DPH5: variants seen among roughly 807,000 people sequenced by gnomAD.
DPH5 encodes the protein diphthine methyl ester synthase.
Under a neutral mutation model 31.6 loss-of-function variants are expected in DPH5, and 31 were observed. The observed-to-expected ratio is 0.98, with a 90% confidence interval of 0.74 to 1.32. DPH5 has a LOEUF of 1.32. Ranked by LOEUF, DPH5 falls within the 40% of genes most tolerant of loss-of-function variation. The pLI is 0.00. For missense variants in DPH5, 309 were observed against 335.7 expected (o/e 0.92, Z 0.62); for synonymous variants, 120 against 115.0 (o/e 1.04, Z -0.28).
intron 5 of DPH5, 111 bp downstream of exon 5, chr1:101,001,356 T>G (rs771817199): frequency 2.8e-6 from 3 of 1,074,162 alleles, no homozygotes; most frequent in Non-Finnish European, 4.0e-6. Flanking sequence ...ATGGCTAGAC[T>G]GTGTCTTTTC....
At chr1:100,990,984 T>A (rs1204016803) in intron 7 of DPH5, among the ~76,000 whole-genome samples, 1 of 152,184 alleles carries the variant, frequency 6.6e-6, no homozygotes. Flanking sequence ...ATAACTTGCT[T>A]GAGATAATGT....
chr1:101,017,347 T>G (rs1049517863), intron 3 of DPH5, among the ~76,000 whole-genome samples: 1 of 151,682 alleles, frequency 6.6e-6, no homozygotes, highest in African/African-American at 2.4e-5. Flanking sequence ...AGCAGTCATT[T>G]TAACTGTTTT....
intron 3 of DPH5, among the ~76,000 whole-genome samples, chr1:101,016,535 C>T (rs1289427282): frequency 6.6e-6 from 1 of 151,028 alleles, no homozygotes; most frequent in African/African-American, 2.4e-5. Context: ...ACCTCCACCT[C>T]CTGGGTTCAA....
intron 2 of DPH5, chr1:101,023,099 A>AG (rs1201590616): frequency 6.6e-6 from 1 of 152,248 alleles, no homozygotes; most frequent in Admixed American, 6.5e-5. Flanking sequence ...AGGCTGTGAC[A>AG]GAAGAATTGC....
intron 4 of DPH5, among the ~76,000 whole-genome samples, chr1:101,010,005 G>A (rs1013403981): frequency 9.2e-5 from 14 of 152,116 alleles, no homozygotes; most frequent in Non-Finnish European, 1.8e-4. Context: ...CCCGACCTCA[G>A]TAGTGACTTA....
At chr1:101,009,283 A>C (rs1659464856) in intron 4 of DPH5, among the ~76,000 whole-genome samples, 1 of 152,208 alleles carries the variant, frequency 6.6e-6, no homozygotes. Flanking sequence ...GACAGGAGGC[A>C]ACTGCTCTAG....
chr1:101,003,089 T>C (rs552652747), intron 4 of DPH5, among the ~76,000 whole-genome samples: 44 of 152,318 alleles, frequency 2.9e-4, no homozygotes, highest in African/African-American at 1.0e-3. Flanking sequence ...AAACATATTA[T>C]CTCATAGAAG....
chr1:101,009,519 T>C (rs565088227), intron 4 of DPH5, among the ~76,000 whole-genome samples: 1 of 152,316 alleles, frequency 6.6e-6, no homozygotes, highest in East Asian at 1.9e-4. Context: ...ATTCTCTTAA[T>C]AGAAAATGCT....
intron 3 of DPH5, among the ~76,000 whole-genome samples, chr1:101,015,699 G>GT (rs2101264423): frequency 6.6e-6 from 1 of 152,322 alleles, no homozygotes; most frequent in Non-Finnish European, 1.5e-5. Context: ...ATAGAAGGCT[G>GT]TTTCATCCAC....
chr1:101,006,987 T>C (rs1468160083), intron 4 of DPH5, among the ~76,000 whole-genome samples: 1 of 151,348 alleles, frequency 6.6e-6, no homozygotes, highest in Non-Finnish European at 1.5e-5. Flanking sequence ...GTCTCATTTA[T>C]CTGCCTTTTA....
intron 2 of DPH5, 177 bp downstream of exon 2, chr1:101,025,132 A>C (rs1660732622): frequency 2.7e-6 from 2 of 733,298 alleles, no homozygotes; most frequent in East Asian, 5.9e-5. Context: ...TTCATTTTCC[A>C]AGTCACTTGG....
intron 7 of DPH5, among the ~76,000 whole-genome samples, chr1:100,992,423 T>C (rs896187098): frequency 3.3e-5 from 5 of 152,222 alleles, no homozygotes; most frequent in African/African-American, 1.2e-4. Context: ...GGAATGGTGT[T>C]AATTATACTA....
At chr1:100,999,960 T>G (rs1039271356) in intron 5 of DPH5, among the ~76,000 whole-genome samples, 1 of 151,908 alleles carries the variant, frequency 6.6e-6, no homozygotes, top group African/African-American at 2.4e-5. Flanking sequence ...CTGGCTAACA[T>G]GGTGAAACCC....
intron 5 of DPH5, chr1:100,995,832 C>T (rs1658300380): frequency 6.6e-6 from 1 of 152,188 alleles, no homozygotes; most frequent in Non-Finnish European, 1.5e-5. Flanking sequence ...CACTCTACAT[C>T]CTCAAAGGAA....
Position 100,990,374 on chromosome 1 carries a change from G to T in DPH5, c.*34C>A. ...AAACCATATCAATCCATATATGGCT[G>T]AAATTTACATCAGACAATGGTAAAT... is the stretch of plus-strand genomic sequence containing the variant. On this transcript the variant is annotated 3_prime_UTR_variant, in exon 8 of 8. Transcript: ENST00000370109. 1 of 1,601,734 alleles carries T rather than the reference G, an allele frequency of 6.2e-7. No homozygotes were observed. The highest frequency in any genetic ancestry group is 1.1e-5 in the South Asian group (1 of 90,742).
chr1:101,004,159 T>C (rs1314109494), intron 4 of DPH5, among the ~76,000 whole-genome samples: 4 of 152,226 alleles, frequency 2.6e-5, no homozygotes, highest in Non-Finnish European at 4.4e-5. Flanking sequence ...TCCAGGACCC[T>C]GATTTATAAA....
At chr1:101,024,110 T>C (rs1322112011) in intron 2 of DPH5, among the ~76,000 whole-genome samples, 1 of 152,142 alleles carries the variant, frequency 6.6e-6, no homozygotes, top group Non-Finnish European at 1.5e-5. Context: ...GTTTTTTAAA[T>C]CAAAGCTGGC....
intron 5 of DPH5, chr1:100,995,863 G>C (rs953757712): frequency 2.0e-5 from 3 of 152,196 alleles, no homozygotes; most frequent in Admixed American, 6.5e-5. Flanking sequence ...AACAGCAACA[G>C]CAACAGCTGC....
At chr1:100,998,751 T>C (rs1658600528) in intron 5 of DPH5, among the ~76,000 whole-genome samples, 1 of 152,116 alleles carries the variant, frequency 6.6e-6, no homozygotes. Context: ...AGTGAAGAAA[T>C]CAAGTTAATA....
Sources: gnomAD v4.1 joint callset for allele counts (sites outside exome capture counted in the v4.1 genomes callset) on GRCh38, gnomAD v4.1.1 for gene constraint, MANE v1.5 for transcripts, NCBI Gene and HGNC (gene_info 2026-07-23, HGNC 2026-07-21) for gene names.